The following ACER3 variants were observed in gnomAD, a reference collection of about 807,000 sequenced individuals.
ACER3 encodes the protein alkCDase 3.
ACER3 carries 16 observed loss-of-function variants against 48.9 expected under a neutral mutation model. The observed-to-expected ratio is 0.33, with a 90% CI of 0.22 to 0.50. The LOEUF (loss-of-function observed/expected upper bound fraction) is 0.50. Ranked by LOEUF, ACER3 falls within the 20% of genes least tolerant of loss-of-function variation. The pLI is 0.98. For synonymous variants in ACER3, 109 were observed against 107.8 expected (o/e 1.01, Z -0.07); for missense variants, 227 against 326.0 (o/e 0.70, Z 2.34).
chr11:77,019,928 A>C, intron 10 of ACER3, 152 bp downstream of exon 10: 1 of 784,006 alleles, frequency 1.3e-6, no homozygotes, highest in Non-Finnish European at 2.1e-6. Context: ...TTACTACTGC[A>C]TGTTCTTGGA....
intron 1 of ACER3, among the ~76,000 whole-genome samples, chr11:76,905,418 T>C (rs879712009): frequency 6.6e-6 from 1 of 152,206 alleles, no homozygotes; most frequent in Non-Finnish European, 1.5e-5. Flanking sequence ...GCCTGAAATA[T>C]AGCAGTGATA....
At chr11:77,020,211 T>C (rs1195833457) in intron 10 of ACER3, 63 bp from the exon 11 acceptor site, 3 of 1,558,848 alleles carry the variant, frequency 1.9e-6, no homozygotes, top group East Asian at 2.2e-5. Flanking sequence ...TCTCATTCTT[T>C]TTCAGGGATA....
chr11:77,002,177 A>C (rs1010895808), intron 7 of ACER3, among the ~76,000 whole-genome samples: 3 of 152,202 alleles, frequency 2.0e-5, no homozygotes, highest in African/African-American at 7.2e-5. Flanking sequence ...GTCACACTCT[A>C]AAGTACAGGG....
At chr11:76,881,803 T>C (rs1945533469) in intron 1 of ACER3, among the ~76,000 whole-genome samples, 1 of 152,140 alleles carries the variant, frequency 6.6e-6, no homozygotes, top group South Asian at 2.1e-4. Flanking sequence ...TTCCCTCTGG[T>C]ATCATTTTCC....
chr11:76,866,480 G>C (rs1431971328), intron 1 of ACER3, among the ~76,000 whole-genome samples: 2 of 152,186 alleles, frequency 1.3e-5, no homozygotes, highest in Non-Finnish European at 2.9e-5. Flanking sequence ...TCTGTTATTT[G>C]TATACTGATT....
chr11:76,975,916 G>A lies in ACER3; in HGVS notation c.268-373G>A, dbSNP rs1591019735. On this transcript the variant is annotated intron_variant, in intron 3 of 10. Coordinates refer to ENST00000532485, the MANE Select transcript of ACER3 (RefSeq NM_018367.7). ...TTTTTTTGAGACAGGGTCTTGCTCT[G>A]TTGCCCAGGCTGGAGTGCAGTGGTG... Among the ~76,000 whole-genome samples the A allele has an allele frequency of 9.5e-5, 9 of 95,178 alleles. No individual in the cohort carries two copies. In the South Asian group the frequency reaches 3.1e-3, roughly 33 times the overall value. The allele number at this position is 95,178 out of a possible 152,430, so 62.4% of individuals were successfully genotyped here.
At chr11:76,998,577 T>C (rs1948963105) in intron 6 of ACER3, 186 bp from the exon 7 acceptor site, 1 of 510,166 alleles carries the variant, frequency 2.0e-6, no homozygotes, top group African/African-American at 2.0e-5. Flanking sequence ...AGCAGACTCT[T>C]AACTTTTCCT....
chr11:76,933,428 A>C (rs369630551), intron 2 of ACER3, among the ~76,000 whole-genome samples: 11 of 142,222 alleles, frequency 7.7e-5, no homozygotes, highest in Non-Finnish European at 1.7e-4. Context: ...AGGACCCTGC[A>C]GCCTTCCGCA....
At chr11:76,861,142 G>A (rs774858362) in intron 1 of ACER3, 63 bp downstream of exon 1, 47 of 1,468,012 alleles carry the variant, frequency 3.2e-5, no homozygotes, top group Non-Finnish European at 4.1e-5. Flanking sequence ...GACGCCGTGT[G>A]AGGAAGGCAA....
rs1949483713 is a variant in ACER3, at chr11:77,022,259, AC to A, written c.*1933del. On this transcript the variant is annotated 3_prime_UTR_variant, in exon 11 of 11. Coordinates refer to ENST00000532485, the MANE Select transcript of ACER3 (RefSeq NM_018367.7). ...GCAGGATTAAAGTCAGATTAAGGGT[AC>A]AGAAAGCACACCTTGATACTGAGGC... The A allele has an allele frequency of 6.6e-6, 1 of 152,230 alleles. No homozygotes were observed. Among genetic ancestry groups the A allele is most frequent in the African/African-American group, 2.4e-5 (1 of 41,468 alleles). The allele number at this position is 152,230 out of a possible 1,614,324, so 9.4% of individuals were successfully genotyped here.
intron 1 of ACER3, among the ~76,000 whole-genome samples, chr11:76,883,870 G>A (rs1390549272): frequency 2.6e-5 from 4 of 152,210 alleles, no homozygotes; most frequent in African/African-American, 2.4e-5. Flanking sequence ...CTGGCCAGCA[G>A]TTAGATTCTG....
rs1947618612 is a variant in ACER3 at position 76,950,371 on chromosome 11, A to G, written c.215-8608A>G. Among the ~76,000 whole-genome samples the G allele has an allele frequency of 1.9e-4, 4 of 20,794 alleles. 1 individual carries two copies. The highest frequency in any genetic ancestry group is 4.5e-4 in the Non-Finnish European group (4 of 8,942). 13.6% of individuals were successfully genotyped at this position (20,794 alleles called of 152,430 possible). A position where few individuals can be genotyped will look rare whatever the true frequency, so the allele number is the denominator to read the frequency against. On this transcript the variant is annotated intron_variant, in intron 2 of 10. Transcript: ENST00000532485. Reference sequence around the variant, plus strand: ...CATGATCATATATATATATATATATATATATATATATATATATATATATAT... The same window carrying G: ...CATGATCATATATATATATATATATGTATATATATATATATATATATATAT...
intron 1 of ACER3, among the ~76,000 whole-genome samples, chr11:76,923,472 A>C (rs1379258794): frequency 6.6e-6 from 1 of 152,088 alleles, no homozygotes; most frequent in Non-Finnish European, 1.5e-5. Flanking sequence ...GGTTGGTTCC[A>C]GTTGATTATT....
intron 2 of ACER3, among the ~76,000 whole-genome samples, chr11:76,947,114 T>C (rs1333875698): frequency 6.6e-6 from 1 of 152,212 alleles, no homozygotes. Context: ...TTGAAAGGTA[T>C]CTGCTTACTA....
chr11:76,948,023 C>T (rs1316210185), intron 2 of ACER3, among the ~76,000 whole-genome samples: 1 of 152,126 alleles, frequency 6.6e-6, no homozygotes, highest in Non-Finnish European at 1.5e-5. Flanking sequence ...GCTGCAATGG[C>T]TCTTCATGTG....
At chr11:76,983,677 G>C (rs1195604113) in intron 4 of ACER3, among the ~76,000 whole-genome samples, 1 of 152,120 alleles carries the variant, frequency 6.6e-6, no homozygotes, top group Non-Finnish European at 1.5e-5. Context: ...AGAAATATAA[G>C]TGATTTTTGT....
At chr11:76,877,267 A>G (rs1945405585) in intron 1 of ACER3, among the ~76,000 whole-genome samples, 1 of 150,856 alleles carries the variant, frequency 6.6e-6, no homozygotes, top group East Asian at 2.0e-4. Flanking sequence ...CTCTCGCTCT[A>G]ACATATGTTC....
Position 76,940,446 on chromosome 11 carries a change from T to C in ACER3, c.214+13779T>C, listed in dbSNP as rs1014526208. 2.0e-5 allele frequency among the ~76,000 whole-genome samples: 3 copies of C among 152,232 alleles called. No individual in the cohort carries two copies. In the East Asian group the frequency reaches 5.8e-4, roughly 29 times the overall value. On this transcript the variant is annotated intron_variant, in intron 2 of 10. Transcript: ENST00000532485. The stretch of plus-strand genomic sequence containing the variant: ...TTTAAAATAAAATGTGTAATTGTTT[T>C]AAAAGAATTGTTGAACATTTTAAAA...
chr11:76,928,184 T>C (rs1946883919), intron 2 of ACER3, among the ~76,000 whole-genome samples: 1 of 152,222 alleles, frequency 6.6e-6, no homozygotes, highest in Admixed American at 6.5e-5. Flanking sequence ...CTCATTGTGG[T>C]TTTGATTTGC....
Sources: allele counts gnomAD v4.1 joint callset (sites outside exome capture counted in the v4.1 genomes callset), GRCh38; gene constraint gnomAD v4.1.1; transcripts MANE v1.5; gene names NCBI Gene and HGNC (gene_info 2026-07-23, HGNC 2026-07-21).